Variants in MGAT5 observed in about 807,000 individuals in gnomAD.
MGAT5 encodes the protein alpha-1,6-mannosylglycoprotein 6-beta-N-acetylglucosaminyltransferase, also known as alpha-1,6-mannosylglycoprotein 6-beta-N-acetylglucosaminyltransferase A.
MGAT5 carries 30 observed loss-of-function variants against 94.3 expected under a neutral mutation model. The observed-to-expected ratio is 0.32, with a 90% CI of 0.24 to 0.43. The LOEUF (loss-of-function observed/expected upper bound fraction) is 0.43, where lower values mean the gene tolerates loss of function less well. Ranked by LOEUF, MGAT5 falls within the 20% of genes least tolerant of loss-of-function variation. The probability of loss-of-function intolerance (pLI) is 1.00; values close to 1 mark genes in which losing one functional copy is unlikely to be tolerated. For synonymous variants in MGAT5, 310 were observed against 322.9 expected (o/e 0.96, Z 0.43); for missense variants, 691 against 905.5 (o/e 0.76, Z 3.04).
intron 1 of MGAT5, among the ~76,000 whole-genome samples, chr2:134,214,894 C>T (rs968446932): frequency 6.6e-6 from 1 of 152,000 alleles, no homozygotes; most frequent in Non-Finnish European, 1.5e-5. Context: ...AAATGGACAC[C>T]CACCTAACCA....
intron 14 of MGAT5, among the ~76,000 whole-genome samples, chr2:134,434,101 G>C (rs1685036722): frequency 6.6e-6 from 1 of 152,174 alleles, no homozygotes; most frequent in Non-Finnish European, 1.5e-5. Context: ...CTCTGAACAA[G>C]TGACCCTTTC....
At chr2:134,236,211 A>T (rs1161210489) in intron 1 of MGAT5, among the ~76,000 whole-genome samples, 2 of 152,184 alleles carry the variant, frequency 1.3e-5, no homozygotes, top group East Asian at 1.9e-4. Context: ...CTGCAGAGAA[A>T]GCTTGGAGCT....
chr2:134,366,639 T>C (rs1344672914), intron 10 of MGAT5, among the ~76,000 whole-genome samples: 1 of 152,150 alleles, frequency 6.6e-6, no homozygotes, highest in East Asian at 1.9e-4. Flanking sequence ...TTCTCAGCCT[T>C]ACTAATGCAC....
At chr2:134,411,104 C>T (rs1386597457) in intron 11 of MGAT5, among the ~76,000 whole-genome samples, 1 of 152,180 alleles carries the variant, frequency 6.6e-6, no homozygotes, top group African/African-American at 2.4e-5. Flanking sequence ...TGTTTCCTTC[C>T]ATTTCATCTG....
chr2:134,234,504 T>C (rs1166646795), intron 1 of MGAT5, among the ~76,000 whole-genome samples: 1 of 152,262 alleles, frequency 6.6e-6, no homozygotes, highest in East Asian at 1.9e-4. Context: ...AATGTGGCTC[T>C]GTCCTTCAAC....
At chr2:134,358,152 C>A (rs1448398725) in intron 9 of MGAT5, among the ~76,000 whole-genome samples, 2 of 150,226 alleles carry the variant, frequency 1.3e-5, no homozygotes, top group African/African-American at 4.9e-5. Context: ...CTGTATCAAT[C>A]TATATGCCCC....
intron 1 of MGAT5, among the ~76,000 whole-genome samples, chr2:134,153,450 G>T (rs1271225950): frequency 1.3e-5 from 2 of 152,108 alleles, no homozygotes; most frequent in Non-Finnish European, 2.9e-5. Flanking sequence ...CCTGTCATTG[G>T]CAGGACAAAT....
At chr2:134,408,146 C>T (rs1392158530) in intron 11 of MGAT5, among the ~76,000 whole-genome samples, 3 of 152,078 alleles carry the variant, frequency 2.0e-5, no homozygotes, top group Non-Finnish European at 2.9e-5. Flanking sequence ...TCCGTGTTGG[C>T]GGCTGAGGGG....
intron 4 of MGAT5, 103 bp from the exon 5 acceptor site, chr2:134,336,114 A>T: frequency 1.2e-6 from 1 of 852,778 alleles, no homozygotes; most frequent in Non-Finnish European, 1.9e-6. Flanking sequence ...AGCACATATT[A>T]ATATAGTGCT....
intron 1 of MGAT5, among the ~76,000 whole-genome samples, chr2:134,267,352 T>A (rs1683779810): frequency 6.6e-6 from 1 of 152,222 alleles, no homozygotes; most frequent in South Asian, 2.1e-4. Flanking sequence ...ATAGGGATGA[T>A]CACATGCTCC....
intron 9 of MGAT5, among the ~76,000 whole-genome samples, chr2:134,355,492 C>T (rs1466875150): frequency 6.6e-6 from 1 of 152,108 alleles, no homozygotes; most frequent in Non-Finnish European, 1.5e-5. Flanking sequence ...TTTATGGTTG[C>T]CAGGTACCTG....
chr2:134,387,336 T>A (rs866846838), intron 10 of MGAT5, among the ~76,000 whole-genome samples: 105 of 72,294 alleles, frequency 1.5e-3, no homozygotes, highest in South Asian at 2.6e-3. Context: ...ATATATATTT[T>A]TTTTTTTTTT....
At chr2:134,448,606 G>A in intron 15 of MGAT5, 43 bp from the exon 16 acceptor site, 7 of 1,584,154 alleles carry the variant, frequency 4.4e-6, no homozygotes, top group Non-Finnish European at 6.1e-6. Flanking sequence ...GAAAGGCTCT[G>A]TCCCTTCATC....
At chr2:134,370,598 G>A (rs565905281) in intron 10 of MGAT5, among the ~76,000 whole-genome samples, 2 of 152,386 alleles carry the variant, frequency 1.3e-5, no homozygotes, top group African/African-American at 4.8e-5. Flanking sequence ...AGGCAGGGAG[G>A]AGTGTAGGCA....
In MGAT5 at chr2:134,392,917, T is replaced by A. The variant is rs540711424; in HGVS notation, c.1381-10071T>A. 2.1e-4 allele frequency among the ~76,000 whole-genome samples: 32 copies of A among 152,276 alleles called. No individual in the cohort carries two copies. In the South Asian group the frequency reaches 5.2e-3, roughly 25 times the overall value. ...GAAAGCCCTTGGTGAGGGATGGGTC[T>A]GCCCCACACCACACGAAGGCATTGC... On this transcript the variant is annotated intron_variant, in intron 10 of 15. Transcript: ENST00000281923.
intron 12 of MGAT5, among the ~76,000 whole-genome samples, chr2:134,413,791 T>G (rs758353727): frequency 2.0e-5 from 3 of 152,220 alleles, no homozygotes; most frequent in Non-Finnish European, 4.4e-5. Context: ...AGCATCCTTG[T>G]CATTCAGGGC....
At chr2:134,385,224 T>C (rs1681899542) in intron 10 of MGAT5, among the ~76,000 whole-genome samples, 1 of 152,248 alleles carries the variant, frequency 6.6e-6, no homozygotes, top group African/African-American at 2.4e-5. Flanking sequence ...TATGAGATAA[T>C]TGACATTAGA....
intron 11 of MGAT5, among the ~76,000 whole-genome samples, chr2:134,412,022 T>A (rs904723570): frequency 6.6e-6 from 1 of 152,314 alleles, no homozygotes; most frequent in African/African-American, 2.4e-5. Context: ...CAGTGTGAAG[T>A]ACACCCACTG....
At position 134,441,872 on chromosome 2, in the gene MGAT5, C is replaced by A; in HGVS notation, c.1984C>A (p.Pro662Thr). The A allele has an allele frequency of 1.2e-6, 2 of 1,614,108 alleles. No individual in the cohort carries two copies. The highest frequency in any genetic ancestry group is 1.7e-6 in the Non-Finnish European group (2 of 1,180,014). ...VCQESQLICE[P>T]SFFQHLNKDK... ...CCAGGAGAGCCAGCTCATCTGCGAGCCTTCTTTCTTCCAGCACCTCAACAA... is the reference window on the plus strand; with the variant it reads ...CCAGGAGAGCCAGCTCATCTGCGAGACTTCTTTCTTCCAGCACCTCAACAA... The change falls in exon 15 of 16, where the codon CCT becomes ACT. Residue 662 changes from proline (P) to threonine (T), a missense_variant. By Grantham distance (38) the Pro-to-Thr change is conservative. Transcript: ENST00000281923.
Sources: gnomAD v4.1 joint callset for allele counts (sites outside exome capture counted in the v4.1 genomes callset) on GRCh38, gnomAD v4.1.1 for gene constraint, MANE v1.5 for transcripts, NCBI Gene and HGNC (gene_info 2026-07-23, HGNC 2026-07-21) for gene names.